Variants in ADAMTSL1 observed in about 807,000 individuals in gnomAD.
The protein encoded by ADAMTSL1 is ADAMTS like 1.
ADAMTSL1 carries 126 observed loss-of-function variants against 201.8 expected under a neutral mutation model. That is an observed-to-expected ratio of 0.62 (90% CI 0.54 to 0.72). The LOEUF is 0.72. Among genes scored for constraint, ADAMTSL1 ranks in the 30% least tolerant of loss-of-function variants. The pLI is 0.00. For synonymous variants in ADAMTSL1, 1,121 were observed against 903.4 expected, an observed-to-expected ratio of 1.24 and a Z score of -4.32; for missense variants, 2,679 against 2,277.8, an observed-to-expected ratio of 1.18 and a Z score of -3.59.
At chr9:18,572,605 T>G (rs999257440) in intron 3 of ADAMTSL1, among the ~76,000 whole-genome samples, 2 of 150,154 alleles carry the variant, frequency 1.3e-5, no homozygotes, top group Non-Finnish European at 3.0e-5. Context: ...TTCATGTTCA[T>G]CCTAAATAAA....
intron 2 of ADAMTSL1, among the ~76,000 whole-genome samples, chr9:18,397,826 T>C (rs950216135): frequency 1.3e-5 from 2 of 152,206 alleles, no homozygotes; most frequent in Non-Finnish European, 2.9e-5. Flanking sequence ...CTATACCTCA[T>C]TGTCCTACTC....
intron 2 of ADAMTSL1, among the ~76,000 whole-genome samples, chr9:18,178,456 G>A (rs1328213563): frequency 2.2e-4 from 34 of 151,434 alleles, no homozygotes; most frequent in East Asian, 1.9e-4. Context: ...GGGGAGGGGC[G>A]CCCGCCATTG....
At chr9:18,217,704 G>A (rs1746376377) in intron 2 of ADAMTSL1, among the ~76,000 whole-genome samples, 1 of 152,142 alleles carries the variant, frequency 6.6e-6, no homozygotes, top group African/African-American at 2.4e-5. Context: ...AAGGCCATTT[G>A]CACCTGACTC....
chr9:18,744,749 G>A (rs571803350), intron 15 of ADAMTSL1, among the ~76,000 whole-genome samples: 12 of 152,220 alleles, frequency 7.9e-5, no homozygotes, highest in Middle Eastern at 3.4e-3. Context: ...CAATTCATTC[G>A]CAAACAATCC....
intron 2 of ADAMTSL1, among the ~76,000 whole-genome samples, chr9:18,312,237 T>A (rs1171670738): frequency 6.6e-6 from 1 of 152,174 alleles, no homozygotes; most frequent in Non-Finnish European, 1.5e-5. Flanking sequence ...TAGTTTATCA[T>A]CTAGAGGGCA....
chr9:18,648,527 G>T (rs986157668), intron 7 of ADAMTSL1, among the ~76,000 whole-genome samples: 1 of 151,234 alleles, frequency 6.6e-6, no homozygotes, highest in Non-Finnish European at 1.5e-5. Flanking sequence ...GGCTGGTACC[G>T]GTTGTTCCTT....
At chr9:18,845,496 G>T (rs1314715917) in intron 23 of ADAMTSL1, among the ~76,000 whole-genome samples, 1 of 152,232 alleles carries the variant, frequency 6.6e-6, no homozygotes, top group Non-Finnish European at 1.5e-5. Flanking sequence ...CCCATCATAG[G>T]CAGGGCCTGC....
intron 1 of ADAMTSL1, among the ~76,000 whole-genome samples, chr9:18,091,535 G>T (rs1017055748): frequency 1.3e-5 from 2 of 152,138 alleles, no homozygotes; most frequent in Non-Finnish European, 2.9e-5. Context: ...TGGAGAATAA[G>T]CTGTAACATC....
intron 2 of ADAMTSL1, among the ~76,000 whole-genome samples, chr9:18,195,899 C>T (rs1829154592): frequency 6.6e-6 from 1 of 152,068 alleles, no homozygotes; most frequent in Non-Finnish European, 1.5e-5. Flanking sequence ...TTCGTCCACA[C>T]ATTTTTCTCT....
intron 1 of ADAMTSL1, among the ~76,000 whole-genome samples, chr9:17,966,189 C>G (rs1310351379): frequency 6.6e-6 from 1 of 152,062 alleles, no homozygotes; most frequent in Non-Finnish European, 1.5e-5. Context: ...TACCTGAAGG[C>G]ACAGTTCTTG....
At chr9:18,341,883 T>C (rs1189675397) in intron 2 of ADAMTSL1, among the ~76,000 whole-genome samples, 4 of 152,278 alleles carry the variant, frequency 2.6e-5, no homozygotes, top group South Asian at 2.1e-4. Context: ...CAAAGTATTA[T>C]GTTCAATGAA....
intron 13 of ADAMTSL1, among the ~76,000 whole-genome samples, chr9:18,693,180 C>A (rs918869368): frequency 2.0e-5 from 3 of 152,200 alleles, no homozygotes; most frequent in Non-Finnish European, 4.4e-5. Flanking sequence ...CATGATAAGG[C>A]AGTGTTTGAC....
At chr9:18,283,932 AAG>A (rs1249725048) in intron 2 of ADAMTSL1, among the ~76,000 whole-genome samples, 5 of 121,246 alleles carry the variant, frequency 4.1e-5, no homozygotes, top group African/African-American at 1.1e-4. Context: ...AAAAAAAAAG[AAG>A]AAGAAGAAGA....
chr9:18,215,500 C>T (rs1260305479), intron 2 of ADAMTSL1, among the ~76,000 whole-genome samples: 1 of 152,128 alleles, frequency 6.6e-6, no homozygotes, highest in East Asian at 1.9e-4. Context: ...AAAAGAACTG[C>T]TGACATACAC....
intron 2 of ADAMTSL1, among the ~76,000 whole-genome samples, chr9:18,229,934 C>A (rs534179681): frequency 6.6e-6 from 1 of 152,028 alleles, no homozygotes; most frequent in African/African-American, 2.4e-5. Flanking sequence ...TGACCTCAAG[C>A]GATCCACTTG....
intron 2 of ADAMTSL1, among the ~76,000 whole-genome samples, chr9:18,246,684 A>T (rs1239554182): frequency 2.0e-5 from 3 of 152,230 alleles, no homozygotes; most frequent in Admixed American, 2.0e-4. Context: ...TCATAGTTGC[A>T]AAGTGACATA....
intron 1 of ADAMTSL1, among the ~76,000 whole-genome samples, chr9:18,079,599 G>A (rs530272272): frequency 4.6e-5 from 7 of 151,666 alleles, no homozygotes; most frequent in Non-Finnish European, 7.4e-5. Context: ...GGAGAATGGC[G>A]TTAACCCACG....
chr9:18,385,719 C>T (rs1480026985), intron 2 of ADAMTSL1, among the ~76,000 whole-genome samples: 1 of 152,040 alleles, frequency 6.6e-6, no homozygotes, highest in African/African-American at 2.4e-5. Context: ...TTTTAAAAAG[C>T]AAAAAATTAA....
intron 2 of ADAMTSL1, among the ~76,000 whole-genome samples, chr9:18,506,482 T>C (rs887045880): frequency 5.3e-5 from 8 of 152,148 alleles, no homozygotes; most frequent in Non-Finnish European, 7.4e-5. Context: ...TATGTCAGCT[T>C]GAGGTAGGAT....
Sources: gnomAD v4.1 joint callset for allele counts (sites outside exome capture counted in the v4.1 genomes callset) on GRCh38, gnomAD v4.1.1 for gene constraint, MANE v1.5 for transcripts, NCBI Gene and HGNC (gene_info 2026-07-23, HGNC 2026-07-21) for gene names.